Variants in ZNF569 observed in about 807,000 individuals in gnomAD.
ZNF569 encodes zinc finger protein 569, also known as DNA-binding protein.
Under a neutral mutation model 56.3 loss-of-function variants are expected in ZNF569, and 38 were observed. The ratio of observed to expected loss-of-function variants is 0.68; its 90% CI spans 0.52 to 0.88. The LOEUF (loss-of-function observed/expected upper bound fraction) is 0.88, where lower values mean the gene tolerates loss of function less well. ZNF569 is among the 40% of genes least tolerant of loss of function. The pLI is 0.00. For synonymous variants in ZNF569, 241 were observed against 262.9 expected (o/e 0.92, Z 0.81); for missense variants, 666 against 809.2 (o/e 0.82, Z 2.15).
intron 5 of ZNF569, among the ~76,000 whole-genome samples, chr19:37,417,964 G>C (rs1006603014): frequency 1.3e-5 from 2 of 151,972 alleles, no homozygotes; most frequent in South Asian, 4.1e-4. Context: ...AGCCAGGCAT[G>C]GTGGCACGTG....
At chr19:37,420,981 T>A (rs536464638) in intron 5 of ZNF569, among the ~76,000 whole-genome samples, 1 of 152,332 alleles carries the variant, frequency 6.6e-6, no homozygotes, top group South Asian at 2.1e-4. Context: ...GATCTCCTTG[T>A]ACATCTCCAT....
intron 2 of ZNF569, among the ~76,000 whole-genome samples, chr19:37,454,534 A>G (rs1282578325): frequency 6.6e-6 from 1 of 152,024 alleles, no homozygotes; most frequent in South Asian, 2.1e-4. Flanking sequence ...CTAAACTGCA[A>G]TAGCTTTCTA....
chr19:37,458,909 C>G (rs2041715210), intron 2 of ZNF569, among the ~76,000 whole-genome samples: 1 of 152,090 alleles, frequency 6.6e-6, no homozygotes, highest in South Asian at 2.1e-4. Context: ...GACTCATCAA[C>G]AAACTCAACA....
rs1046197929 is a variant in ZNF569, at chr19:37,411,481, T to G, written c.*1116A>C. 1.3e-5 allele frequency: 2 copies of G among 152,166 alleles called. No individual in the cohort carries two copies. The highest frequency in any genetic ancestry group is 2.1e-4 in the South Asian group (1 of 4,836). 9.4% of individuals were successfully genotyped at this position (152,166 alleles called of 1,614,324 possible). A position where few individuals can be genotyped will look rare whatever the true frequency, so the allele number is the denominator to read the frequency against. On this transcript the variant is annotated 3_prime_UTR_variant, in exon 6 of 6. Transcript: ENST00000316950. ...GATAAAAATTTGTTATATCCAATTT[T>G]GGGCAATACAAACCATGATTCAGGA...
chr19:37,451,903 T>C (rs1026213205), intron 2 of ZNF569, among the ~76,000 whole-genome samples: 24 of 152,316 alleles, frequency 1.6e-4, no homozygotes, highest in Admixed American at 5.2e-4. Flanking sequence ...TGTTTCTTGA[T>C]TGGGGAGTTT....
chr19:37,422,052 CA>C (rs1271201661), intron 5 of ZNF569, among the ~76,000 whole-genome samples: 4 of 152,142 alleles, frequency 2.6e-5, no homozygotes, highest in African/African-American at 9.7e-5. Context: ...ACCTGGCCAG[CA>C]CTTTAAATTT....
intron 2 of ZNF569, 89 bp from the exon 3 acceptor site, chr19:37,445,053 G>A: frequency 3.2e-6 from 3 of 941,616 alleles, no homozygotes; most frequent in South Asian, 3.3e-5. Context: ...TCACCCTGTA[G>A]TGGAATGATA....
chr19:37,423,005 T>C (rs1344132678), intron 5 of ZNF569, among the ~76,000 whole-genome samples: 2 of 152,152 alleles, frequency 1.3e-5, no homozygotes, highest in South Asian at 2.1e-4. Flanking sequence ...ACCAAAACAT[T>C]TGAAAATACA....
At position 37,425,817 on chromosome 19, in the gene ZNF569, T is replaced by G. The variant is rs757945929; in HGVS notation, c.238+51A>C. The G allele has an allele frequency of 2.9e-6, 4 of 1,390,946 alleles. No individual in the cohort carries two copies. In the South Asian group the frequency reaches 4.7e-5, roughly 16 times the overall value. 86.2% of individuals were successfully genotyped at this position (1,390,946 alleles called of 1,614,324 possible). ...GAGGGATCAACCATTCACTGATTAA[T>G]CATTAATAGGCCCTGACCTCTCCTC... On this transcript the variant is annotated intron_variant, in intron 5 of 5. Coordinates refer to ENST00000316950, the MANE Select transcript of ZNF569 (RefSeq NM_152484.3).
intron 3 of ZNF569, among the ~76,000 whole-genome samples, chr19:37,435,091 C>T (rs2041288018): frequency 6.6e-6 from 1 of 152,040 alleles, no homozygotes; most frequent in Admixed American, 6.6e-5. Context: ...CGCCACTACG[C>T]TCCAGCCTGG....
At chr19:37,435,144 T>A (rs1407546828) in intron 3 of ZNF569, among the ~76,000 whole-genome samples, 5 of 151,810 alleles carry the variant, frequency 3.3e-5, no homozygotes, top group African/African-American at 9.7e-5. Context: ...ATAAATAAAT[T>A]AAAAAGTAAA....
intron 3 of ZNF569, among the ~76,000 whole-genome samples, chr19:37,431,937 T>C (rs1055714369): frequency 8.5e-5 from 13 of 152,078 alleles, no homozygotes; most frequent in African/African-American, 3.1e-4. Flanking sequence ...CGGGGAGAAA[T>C]TCCTCTGCCT....
At chr19:37,445,464 G>A (rs1483787838) in intron 2 of ZNF569, among the ~76,000 whole-genome samples, 1 of 152,130 alleles carries the variant, frequency 6.6e-6, no homozygotes, top group Admixed American at 6.5e-5. Context: ...TCAGACAAGA[G>A]AAAGAAATAA....
rs76318806 is a variant in ZNF569 at position 37,416,283 on chromosome 19, A to G, written c.239-1864T>C. ...CAAAAAAACAAAAAAAAAAAACAGGAAAAGAAAATGAAAATTAACATTATT... is the reference window on the plus strand; with the variant it reads ...CAAAAAAACAAAAAAAAAAAACAGGGAAAGAAAATGAAAATTAACATTATT... On this transcript the variant is annotated intron_variant, in intron 5 of 5. Transcript: ENST00000316950. Among the ~76,000 whole-genome samples, 1,086 of 151,884 alleles carry G rather than the reference A, an allele frequency of 7.2e-3. 16 individuals carry two copies. Among genetic ancestry groups the G allele is most frequent in the African/African-American group, 0.025 (1,045 of 41,486 alleles).
At chr19:37,453,601 A>G (rs2041628230) in intron 2 of ZNF569, among the ~76,000 whole-genome samples, 1 of 151,996 alleles carries the variant, frequency 6.6e-6, no homozygotes. Context: ...TCAATAGACA[A>G]TTTTTTTCTT....
chr19:37,448,300 A>G (rs1419607327), intron 2 of ZNF569, among the ~76,000 whole-genome samples: 1 of 152,114 alleles, frequency 6.6e-6, no homozygotes, highest in Non-Finnish European at 1.5e-5. Flanking sequence ...GAATTTTGGT[A>G]GTTTATGTCT....
At chr19:37,438,179 C>T (rs192942995) in intron 3 of ZNF569, among the ~76,000 whole-genome samples, 1 of 152,048 alleles carries the variant, frequency 6.6e-6, no homozygotes, top group African/African-American at 2.4e-5. Flanking sequence ...GGTGGGAGAA[C>T]TGCTTGAGCC....
intron 2 of ZNF569, among the ~76,000 whole-genome samples, chr19:37,446,500 A>G (rs893090347): frequency 6.6e-6 from 1 of 150,450 alleles, no homozygotes; most frequent in South Asian, 2.1e-4. Flanking sequence ...CAGTGAACCA[A>G]TATCACACCA....
At chr19:37,455,500 T>C (rs2041657856) in intron 2 of ZNF569, among the ~76,000 whole-genome samples, 1 of 152,166 alleles carries the variant, frequency 6.6e-6, no homozygotes, top group Non-Finnish European at 1.5e-5. Flanking sequence ...GCAACTGCCA[T>C]ATCTACATAA....
Sources: gnomAD v4.1 joint callset for allele counts (sites outside exome capture counted in the v4.1 genomes callset) on GRCh38, gnomAD v4.1.1 for gene constraint, MANE v1.5 for transcripts, NCBI Gene and HGNC (gene_info 2026-07-23, HGNC 2026-07-21) for gene names.